DEPDC4: variants seen among roughly 807,000 people sequenced by gnomAD.
The protein encoded by DEPDC4 is DEP domain containing 4.
A neutral mutation model predicts 52.0 loss-of-function variants in DEPDC4; 52 were observed. The observed-to-expected ratio is 1.00, with a 90% CI of 0.80 to 1.26. DEPDC4 has a LOEUF of 1.26. Among genes scored for constraint, DEPDC4 ranks in the 50% most tolerant of loss-of-function variants. The probability of loss-of-function intolerance (pLI) is 0.00; values close to 1 mark genes in which losing one functional copy is unlikely to be tolerated. For synonymous variants in DEPDC4, 201 were observed against 196.8 expected, an observed-to-expected ratio of 1.02 and a Z score of -0.18; for missense variants, 530 against 546.9, an observed-to-expected ratio of 0.97 and a Z score of 0.31.
chr12:100,232,895 C>CAA (rs929075135), intron 9 of DEPDC4, among the ~76,000 whole-genome samples: 15 of 151,874 alleles, frequency 9.9e-5, no homozygotes, highest in African/African-American at 3.6e-4. Flanking sequence ...AAAAACAAAA[C>CAA]AAAACAAAAC....
At chr12:100,252,137 C>T (rs2096210674) in intron 7 of DEPDC4, 39 bp downstream of exon 7, 1 of 1,125,484 alleles carries the variant, frequency 8.9e-7, no homozygotes, top group Non-Finnish European at 1.1e-6. Context: ...ACACAAGTAG[C>T]TTAGTAATAA....
intron 9 of DEPDC4, among the ~76,000 whole-genome samples, chr12:100,233,618 T>TA (rs1377269899): frequency 2.6e-5 from 4 of 152,242 alleles, no homozygotes; most frequent in African/African-American, 9.6e-5. Flanking sequence ...TGAATGATTA[T>TA]ACTCATGAAT....
intron 9 of DEPDC4, among the ~76,000 whole-genome samples, chr12:100,234,652 G>A (rs941340117): frequency 6.6e-6 from 1 of 152,118 alleles, no homozygotes; most frequent in South Asian, 2.1e-4. Context: ...CGTAGAGACC[G>A]AATAATCTAA....
intron 8 of DEPDC4, among the ~76,000 whole-genome samples, chr12:100,246,138 T>G (rs544478731): frequency 0.014 from 2,144 of 151,320 alleles, 18 homozygotes; most frequent in Non-Finnish European, 0.021. Context: ...TTTTTTTTTT[T>G]GTCATTTTTG....
chr12:100,255,346 CA>C (rs1366156520), intron 4 of DEPDC4, among the ~76,000 whole-genome samples: 1 of 152,220 alleles, frequency 6.6e-6, no homozygotes, highest in Non-Finnish European at 1.5e-5. Context: ...CATGTACAAA[CA>C]GGACCATAGT....
chr12:100,232,841 G>A lies in DEPDC4; in HGVS notation c.*699+5127C>T, dbSNP rs141933760. ...GGAGGTTGTGGTGAGCCGAGATCGC[G>A]CCATTGCACTCCAGCCTGGGCAACA... is the stretch of plus-strand genomic sequence containing the variant. On this transcript the variant is annotated intron_variant and NMD_transcript_variant, in intron 9 of 10. Coordinates refer to the DEPDC4 transcript ENST00000378244. 1.3e-4 allele frequency among the ~76,000 whole-genome samples: 20 copies of A among 152,156 alleles called. No individual in the cohort carries two copies. In the East Asian group the frequency reaches 2.7e-3, roughly 21 times the overall value.
At chr12:100,269,505 T>C (rs1270040535), upstream of DEPDC4, among the ~76,000 whole-genome samples, 1 of 152,136 alleles carries the variant, frequency 6.6e-6, no homozygotes, top group Non-Finnish European at 1.5e-5. Context: ...GTGCTGAATG[T>C]TTATTAAATG....
In DEPDC4 at chr12:100,256,046, TACTC is replaced by T; in HGVS notation, c.877_878+2del. ...TTATTTGACAATAAAAATGGTCACT[TACTC>T]AGGTAGACATAAGCTTGGAATAAGT... On this transcript the variant is annotated splice_donor_variant and coding_sequence_variant, in exon 4 of 10. Transcript: ENST00000550587. LOFTEE classifies it high-confidence loss of function. The T allele has an allele frequency of 1.9e-6, 3 of 1,578,216 alleles. No individual in the cohort carries two copies. The highest frequency in any genetic ancestry group is 1.2e-5 in the South Asian group (1 of 85,512).
chr12:100,274,817 A>C, the DEPDC4 span, among the ~76,000 whole-genome samples: 1 of 152,320 alleles, frequency 6.6e-6, no homozygotes, highest in African/African-American at 2.4e-5. Context: ...CAATTTGGAG[A>C]GCGATAGGGC....
At chr12:100,244,587 C>T (rs2096177475) in intron 8 of DEPDC4, among the ~76,000 whole-genome samples, 1 of 151,792 alleles carries the variant, frequency 6.6e-6, no homozygotes, top group Non-Finnish European at 1.5e-5. Context: ...CCTCCTGCCT[C>T]ATCCTGCTGA....
rs147897083 is a variant in DEPDC4, at chr12:100,250,822, C to T, written c.1374+1354G>A. 2.4e-3 allele frequency among the ~76,000 whole-genome samples: 364 copies of T among 152,262 alleles called. 7 individuals carry two copies. In the East Asian group the frequency reaches 0.039, roughly 17 times the overall value. ...TTACTTTAGTGACTGTAGCATAAAA[C>T]ATTTACATAACCTGGGCCCTTACTA... On this transcript the variant is annotated intron_variant, in intron 7 of 9. Coordinates refer to ENST00000550587, the MANE Select transcript of DEPDC4 (RefSeq NM_001364818.2).
Position 100,263,765 on chromosome 12 carries a change from C to T in DEPDC4, c.286G>A (p.Ala96Thr). 1 of 1,614,132 alleles carries T rather than the reference C, an allele frequency of 6.2e-7. No individual in the cohort carries two copies. The highest frequency in any genetic ancestry group is 8.5e-7 in the Non-Finnish European group (1 of 1,180,014). The change falls in exon 2 of 10, where the codon GCT (alanine) becomes ACT (threonine). Residue 96 changes from alanine to threonine, a missense_variant. Physicochemically the swap from Ala to Thr is moderately conservative, Grantham distance 58. Coordinates refer to ENST00000550587, the MANE Select transcript of DEPDC4 (RefSeq NM_001364818.2). ...AGATGACTTAAGACCACATCGACAG[C>T]ATCAGAACCAGTGAAACAGTCTTTG... ...TYKDCFTGSD[A>T]VDVVLSHLMQ...
intron 1 of DEPDC4, among the ~76,000 whole-genome samples, chr12:100,264,972 CT>C (rs1186586727): frequency 1.3e-5 from 2 of 152,034 alleles, no homozygotes; most frequent in African/African-American, 4.8e-5. Context: ...AAAAAAATTG[CT>C]GAGAAATAAT....
At chr12:100,252,323 T>G in intron 6 of DEPDC4, 22 bp from the exon 7 acceptor site, 1 of 1,500,654 alleles carries the variant, frequency 6.7e-7, no homozygotes. Context: ...AAGATTAACA[T>G]TAGCATAAAT....
intron 3 of DEPDC4, among the ~76,000 whole-genome samples, chr12:100,256,892 C>T (rs1166726096): frequency 6.6e-6 from 1 of 151,804 alleles, no homozygotes; most frequent in Non-Finnish European, 1.5e-5. Context: ...CCGCCCGCCT[C>T]GGCCTCCCAA....
intron 3 of DEPDC4, among the ~76,000 whole-genome samples, chr12:100,258,699 T>C (rs2096243279): frequency 6.9e-6 from 1 of 145,338 alleles, no homozygotes; most frequent in Non-Finnish European, 1.5e-5. Flanking sequence ...TAAAAGTATT[T>C]GAGAAATTAT....
chr12:100,267,097 C>G (rs769863882), upstream of DEPDC4: 104 of 1,609,780 alleles, frequency 6.5e-5, no homozygotes, highest in Non-Finnish European at 8.7e-5. Flanking sequence ...CACCTGACAC[C>G]CGGGGCGGAG....
intron 8 of DEPDC4, among the ~76,000 whole-genome samples, chr12:100,244,325 C>G (rs1341085775): frequency 1.3e-5 from 2 of 150,592 alleles, no homozygotes; most frequent in African/African-American, 4.9e-5. Context: ...GGACTACAGG[C>G]ACCCGCCACC....
chr12:100,236,976 G>A (rs1384518172), downstream of DEPDC4, among the ~76,000 whole-genome samples: 7 of 151,994 alleles, frequency 4.6e-5, no homozygotes, highest in African/African-American at 7.2e-5. Flanking sequence ...TTGCTTTGTC[G>A]AAGATCAGTT....
Sources: allele counts gnomAD v4.1 joint callset (sites outside exome capture counted in the v4.1 genomes callset), GRCh38; gene constraint gnomAD v4.1.1; transcripts MANE v1.5; gene names NCBI Gene and HGNC (gene_info 2026-07-23, HGNC 2026-07-21).